The following CELF6 variants were observed in gnomAD, a reference collection of about 807,000 sequenced individuals.
CELF6 encodes the protein Bruno -like 6, RNA binding protein.
A neutral mutation model predicts 53.1 loss-of-function variants in CELF6; 32 were observed. That is an observed-to-expected ratio of 0.60 (90% CI 0.46 to 0.81). CELF6 has a LOEUF of 0.81. Ranked by LOEUF, CELF6 falls within the 30% of genes least tolerant of loss-of-function variation. The pLI is 0.00. For missense variants in CELF6, 539 were observed against 669.5 expected (o/e 0.81, Z 2.15); for synonymous variants, 291 against 288.8 (o/e 1.01, Z -0.08).
At chr15:72,290,289 C>A (rs181135362) in intron 3 of CELF6, 34 bp from the exon 4 acceptor site, 2 of 1,603,742 alleles carry the variant, frequency 1.2e-6, no homozygotes, top group African/African-American at 2.7e-5. Flanking sequence ...CTGGGGACCC[C>A]AAGTCTTCCT....
intron 3 of CELF6, among the ~76,000 whole-genome samples, chr15:72,293,885 G>C (rs529789461): frequency 1.2e-4 from 18 of 152,086 alleles, no homozygotes; most frequent in Admixed American, 4.6e-4. Flanking sequence ...GTAGAGACAG[G>C]GTTTCACCGT....
intron 3 of CELF6, among the ~76,000 whole-genome samples, chr15:72,302,224 T>C (rs1345413186): frequency 2.0e-5 from 3 of 152,210 alleles, no homozygotes; most frequent in Non-Finnish European, 4.4e-5. Context: ...ACTGGATACA[T>C]AGGCCTTTTC....
In CELF6 at chr15:72,286,221, G is replaced by C. The variant is rs1595772350; in HGVS notation, c.*150C>G. On this transcript the variant is annotated 3_prime_UTR_variant, in exon 13 of 13. Coordinates refer to ENST00000287202, the MANE Select transcript of CELF6 (RefSeq NM_052840.5). ...CCACTTGATAAAAACAATCCTTAGA[G>C]TGGCCTTAGCCCCAGGCACCAGCCT... 6.6e-6 allele frequency: 1 copy of C among 152,666 alleles called. No individual in the cohort carries two copies. The highest frequency in any genetic ancestry group is 2.1e-4 in the South Asian group (1 of 4,832). 9.5% of individuals were successfully genotyped at this position (152,666 alleles called of 1,614,324 possible). A position where few individuals can be genotyped will look rare whatever the true frequency, so the allele number is the denominator to read the frequency against.
At chr15:72,304,192 T>G (rs1009776071) in intron 3 of CELF6, among the ~76,000 whole-genome samples, 1 of 152,162 alleles carries the variant, frequency 6.6e-6, no homozygotes, top group Non-Finnish European at 1.5e-5. Flanking sequence ...CTTAAGGAGC[T>G]CTGTTTTTTC....
At chr15:72,290,397 G>T in intron 3 of CELF6, 142 bp from the exon 4 acceptor site, 2 of 1,005,576 alleles carry the variant, frequency 2.0e-6, no homozygotes, top group Non-Finnish European at 2.8e-6. Flanking sequence ...TCCAGGGTTG[G>T]TTTTCATTGA....
In CELF6 at chr15:72,319,867, G is replaced by T; in HGVS notation, c.8C>A (p.Ala3Glu). 1.3e-6 allele frequency: 2 copies of T among 1,499,186 alleles called. No individual in the cohort carries two copies. The highest frequency in any genetic ancestry group is 8.9e-7 in the Non-Finnish European group (1 of 1,124,494). 92.9% of individuals were successfully genotyped at this position (1,499,186 alleles called of 1,614,324 possible). MA[A>E]APGGSAQPAG... is the part of the protein sequence containing the mutation. ...GGGCTGCGCTGACCCTCCCGGCGCC[G>T]CGGCCATGTCCCCGCCCTGTCAGCC... Residue 3 changes from alanine to glutamate, a missense_variant, in exon 1 of 13, where the codon GCG (alanine) becomes GAG (glutamate). Around this residue, in one of 3 missense-constraint regions of CELF6, gnomAD observed 84 missense variants for 87.9 expected, o/e 0.96. Coordinates refer to ENST00000287202, the MANE Select transcript of CELF6 (RefSeq NM_052840.5). This position sits in a 1 kb window ranked among gnomAD's most constrained non-coding sequence, Gnocchi z 5.0.
chr15:72,294,935 G>C (rs1474664435), intron 3 of CELF6, among the ~76,000 whole-genome samples: 2 of 142,202 alleles, frequency 1.4e-5, no homozygotes, highest in African/African-American at 5.3e-5. Context: ...CTGAGATTGT[G>C]CCGCTGCACT....
At chr15:72,316,018 A>C in intron 1 of CELF6, 91 bp from the exon 2 acceptor site, 1 of 820,424 alleles carries the variant, frequency 1.2e-6, no homozygotes, top group Non-Finnish European at 1.9e-6. Flanking sequence ...ACTTAAGGCC[A>C]CTCTCCTTTA....
chr15:72,306,025 C>T (rs934755129), intron 2 of CELF6: 3 of 951,428 alleles, frequency 3.2e-6, no homozygotes, highest in Non-Finnish European at 3.8e-6. Flanking sequence ...AGATGAGGCT[C>T]TTAAGTTGGG....
chr15:72,291,569 G>T (rs2088006672), intron 3 of CELF6, among the ~76,000 whole-genome samples: 1 of 152,170 alleles, frequency 6.6e-6, no homozygotes, highest in Non-Finnish European at 1.5e-5. Context: ...GGCTAGTGGG[G>T]GGTCATAGAC....
chr15:72,299,081 G>A (rs893130441), intron 3 of CELF6, among the ~76,000 whole-genome samples: 3 of 151,650 alleles, frequency 2.0e-5, no homozygotes, highest in Non-Finnish European at 4.4e-5. Context: ...GGTAGCAGGC[G>A]CCTCTAGTTC....
intron 3 of CELF6, 51 bp downstream of exon 3, chr15:72,304,695 A>C (rs542814249): frequency 1.3e-6 from 2 of 1,560,484 alleles, no homozygotes; most frequent in East Asian, 2.2e-5. Context: ...GTGTGGGCCC[A>C]CCCTCCCTTA....
intron 2 of CELF6, among the ~76,000 whole-genome samples, chr15:72,305,919 C>G (rs950129354): frequency 1.3e-5 from 2 of 151,436 alleles, no homozygotes; most frequent in Non-Finnish European, 2.9e-5. Flanking sequence ...TGGAAAGCAG[C>G]TTGACTTCTC....
intron 2 of CELF6, among the ~76,000 whole-genome samples, chr15:72,314,890 C>T (rs950669411): frequency 6.6e-6 from 1 of 152,160 alleles, no homozygotes; most frequent in Non-Finnish European, 1.5e-5. Context: ...CCACCGCACT[C>T]GGCCTCAAAA....
In CELF6 at chr15:72,288,731, C is replaced by T. The variant is rs1332427189; in HGVS notation, c.1094-113G>A. On this transcript the variant is annotated intron_variant, in intron 9 of 12. Transcript: ENST00000287202. This position sits in a 1 kb window ranked among gnomAD's most constrained non-coding sequence, Gnocchi z 4.6. ...AGCCCAGTCCACCATAACCCTCACCCCAAGAGAGGTCGTTCTGGGGGTAGG... is the reference window on the plus strand; with the variant it reads ...AGCCCAGTCCACCATAACCCTCACCTCAAGAGAGGTCGTTCTGGGGGTAGG... The T allele has an allele frequency of 1.5e-6, 2 of 1,376,640 alleles. No individual in the cohort carries two copies. Among genetic ancestry groups the T allele is most frequent in the Non-Finnish European group, 1.0e-6 (1 of 985,060 alleles). 85.3% of individuals were successfully genotyped at this position (1,376,640 alleles called of 1,614,324 possible). A position where few individuals can be genotyped will look rare whatever the true frequency, so the allele number is the denominator to read the frequency against.
chr15:72,304,487 G>A (rs1013592122), intron 3 of CELF6, among the ~76,000 whole-genome samples: 11 of 152,238 alleles, frequency 7.2e-5, no homozygotes, highest in African/African-American at 2.6e-4. Flanking sequence ...AGGGTAAGTG[G>A]CAAGAACCCC....
intron 3 of CELF6, among the ~76,000 whole-genome samples, chr15:72,302,626 C>A (rs951142917): frequency 6.6e-6 from 1 of 152,178 alleles, no homozygotes; most frequent in Non-Finnish European, 1.5e-5. Context: ...ATGGAGGCCC[C>A]CTTTGTGCGG....
rs2087907083 is a variant in CELF6 at position 72,285,227 on chromosome 15, A to G, written c.*1144T>C. 1 of 152,646 alleles carries G rather than the reference A, an allele frequency of 6.6e-6. No homozygotes were observed. The allele number at this position is 152,646 out of a possible 1,614,324, so 9.5% of individuals were successfully genotyped here. ...AAAGGAATGAAGAAGTATTTTGGCAAAACATCTACTTCCCTCCCAGGTCTG... is the reference window on the plus strand; with the variant it reads ...AAAGGAATGAAGAAGTATTTTGGCAGAACATCTACTTCCCTCCCAGGTCTG... On this transcript the variant is annotated 3_prime_UTR_variant, in exon 13 of 13. Coordinates refer to ENST00000287202, the MANE Select transcript of CELF6 (RefSeq NM_052840.5).
chr15:72,285,335 C>G lies in CELF6; in HGVS notation c.*1036G>C, dbSNP rs182727450. 6.5e-6 allele frequency: 1 copy of G among 152,688 alleles called. No homozygotes were observed. The highest frequency in any genetic ancestry group is 2.4e-5 in the African/African-American group (1 of 41,578). 9.5% of individuals were successfully genotyped at this position (152,688 alleles called of 1,614,324 possible). ...CAATGGCAGTATATACAGTAGCAAACCTTCCAAGTCTGTTGTCACAGCCCT... is the reference window on the plus strand; with the variant it reads ...CAATGGCAGTATATACAGTAGCAAAGCTTCCAAGTCTGTTGTCACAGCCCT... On this transcript the variant is annotated 3_prime_UTR_variant, in exon 13 of 13. Transcript: ENST00000287202.
Sources: allele counts gnomAD v4.1 joint callset (sites outside exome capture counted in the v4.1 genomes callset), GRCh38; gene constraint gnomAD v4.1.1; regional missense constraint gnomAD v4.1.1; non-coding constraint Gnocchi (gnomAD v3.1); transcripts MANE v1.5; gene names NCBI Gene and HGNC (gene_info 2026-07-23, HGNC 2026-07-21).